SYT3: variants seen among roughly 807,000 people sequenced by gnomAD.
SYT3 encodes the protein synaptotagmin 3, also known as synaptotagmin-3.
In SYT3, 25 loss-of-function variants were observed where a neutral mutation model predicts 50.6. The observed-to-expected ratio is 0.49, with a 90% CI of 0.36 to 0.69. The LOEUF (loss-of-function observed/expected upper bound fraction) is 0.69, where lower values mean the gene tolerates loss of function less well. Among genes scored for constraint, SYT3 ranks in the 30% least tolerant of loss-of-function variants. The probability of loss-of-function intolerance (pLI) is 0.00; values close to 1 mark genes in which losing one functional copy is unlikely to be tolerated. For synonymous variants in SYT3, 323 were observed against 353.9 expected (o/e 0.91, Z 0.98); for missense variants, 589 against 793.6 (o/e 0.74, Z 3.10).
the SYT3 span, among the ~76,000 whole-genome samples, chr19:50,646,066 A>AGATG: frequency 1.3e-5 from 2 of 152,288 alleles, no homozygotes; most frequent in Admixed American, 1.3e-4. Flanking sequence ...GAGCAGAGAG[A>AGATG]GATGCAGAGG....
upstream of SYT3, among the ~76,000 whole-genome samples, chr19:50,642,779 A>G (rs1359966228): frequency 1.3e-5 from 2 of 152,198 alleles, no homozygotes; most frequent in Non-Finnish European, 2.9e-5. Flanking sequence ...GGCTGCAGTG[A>G]GCCAAGATCA....
chr19:50,623,596 G>T (rs1983927531), intron 9 of SYT3, among the ~76,000 whole-genome samples: 1 of 120,692 alleles, frequency 8.3e-6, no homozygotes, highest in Admixed American at 9.4e-5. Context: ...GGACAACATG[G>T]CAAAACCCTG....
the SYT3 span, among the ~76,000 whole-genome samples, chr19:50,650,866 C>T: frequency 3.9e-5 from 6 of 152,170 alleles, no homozygotes; most frequent in Non-Finnish European, 7.3e-5. Flanking sequence ...TTTGGAGACC[C>T]CACAATGCAC....
intron 4 of SYT3, among the ~76,000 whole-genome samples, chr19:50,631,312 G>A (rs973984277): frequency 9.2e-5 from 14 of 151,592 alleles, no homozygotes; most frequent in East Asian, 5.8e-4. Context: ...AACCATGCCC[G>A]GCTATTTTTG....
At chr19:50,652,978 T>G in the SYT3 span, among the ~76,000 whole-genome samples, 91 of 152,328 alleles carry the variant, frequency 6.0e-4, no homozygotes, top group African/African-American at 2.1e-3. Context: ...CATCATGTGT[T>G]AAACAACACT....
chr19:50,629,931 G>A lies in SYT3; in HGVS notation c.915C>T (p.Phe305=), dbSNP rs746131765. 22 of 1,614,072 alleles carry A rather than the reference G, an allele frequency of 1.4e-5. No homozygotes were observed. The highest frequency in any genetic ancestry group is 4.5e-5 in the East Asian group (2 of 44,860). ...GTGAPCGRIS[F]ALRYLYGSDQ... is the part of the protein sequence containing the mutation. ...CCGAGCCATAGAGGTACCGCAGGGC[G>A]AAGCTGATACGGCCACAGGGTGCCC... Residue 305 remains phenylalanine (F), a synonymous_variant, in exon 5 of 11, where the codon TTC becomes TTT. Coordinates refer to ENST00000600079, the MANE Select transcript of SYT3 (RefSeq NM_001160329.2).
At position 50,625,112 on chromosome 19, in the gene SYT3, C is replaced by A; in HGVS notation, c.1707+50G>T. ...GGCGTTCGTTGCATGGATGAAGGGG[C>A]CGAGGGTGCACGGGTGCTTGTCAGG... On this transcript the variant is annotated intron_variant, in intron 9 of 10. Coordinates refer to ENST00000600079, the MANE Select transcript of SYT3 (RefSeq NM_001160329.2). This position sits in a 1 kb window ranked among gnomAD's most constrained non-coding sequence, Gnocchi z 7.5. 6.7e-7 allele frequency: 1 copy of A among 1,490,994 alleles called. No individual in the cohort carries two copies. 92.4% of individuals were successfully genotyped at this position (1,490,994 alleles called of 1,614,324 possible).
chr19:50,646,733 T>C, the SYT3 span, among the ~76,000 whole-genome samples: 1 of 152,114 alleles, frequency 6.6e-6, no homozygotes, highest in Admixed American at 6.6e-5. Flanking sequence ...TGGGGAAAGG[T>C]TGGAAGAGCA....
chr19:50,649,411 C>G, the SYT3 span: 9 of 1,535,736 alleles, frequency 5.9e-6, no homozygotes, highest in Non-Finnish European at 7.9e-6. Context: ...TCTCTTGCCA[C>G]CTTCCTGAGA....
intron 4 of SYT3, among the ~76,000 whole-genome samples, chr19:50,631,938 T>C (rs1157646733): frequency 6.6e-6 from 1 of 152,062 alleles, no homozygotes; most frequent in African/African-American, 2.4e-5. Flanking sequence ...AATCCTGGCT[T>C]AGGGTGAAAG....
chr19:50,624,630 G>A (rs902317875), intron 9 of SYT3, among the ~76,000 whole-genome samples: 1 of 147,232 alleles, frequency 6.8e-6, no homozygotes, highest in Non-Finnish European at 1.5e-5. Flanking sequence ...TCAGCTCACC[G>A]CAACCTCTGC....
At position 50,625,629 on chromosome 19, in the gene SYT3, A is replaced by G. The variant is rs1296407583; in HGVS notation, c.1403-65T>C. On this transcript the variant is annotated intron_variant, in intron 7 of 10. Transcript: ENST00000600079. The surrounding 1 kb of genome is among the most constrained non-coding windows in gnomAD (Gnocchi z 7.5). ...CTCAGACCTAGGGGTCCAGGACCCC[A>G]GGCCCCGAGCCCCTCCTCCCTCAGA... 6.7e-7 allele frequency: 1 copy of G among 1,491,740 alleles called. No homozygotes were observed. Among genetic ancestry groups the G allele is most frequent in the Non-Finnish European group, 8.9e-7 (1 of 1,122,130 alleles). The allele number at this position is 1,491,740 out of a possible 1,614,324, so 92.4% of individuals were successfully genotyped here.
the SYT3 span, among the ~76,000 whole-genome samples, chr19:50,653,183 G>A: frequency 6.6e-6 from 1 of 152,000 alleles, no homozygotes; most frequent in Non-Finnish European, 1.5e-5. Context: ...GACTACAGGT[G>A]CGCGCTACCA....
intron 9 of SYT3, among the ~76,000 whole-genome samples, chr19:50,624,022 G>A (rs1412042195): frequency 6.6e-6 from 1 of 151,252 alleles, no homozygotes; most frequent in African/African-American, 2.4e-5. Flanking sequence ...GAGTGTGGTG[G>A]TGAGATCATA....
At chr19:50,645,031 A>C in the SYT3 span, among the ~76,000 whole-genome samples, 1 of 152,224 alleles carries the variant, frequency 6.6e-6, no homozygotes, top group African/African-American at 2.4e-5. Context: ...ATGCAGATAC[A>C]CTCAGAGGCA....
At chr19:50,638,461 G>C (rs1365890540) in intron 2 of SYT3, among the ~76,000 whole-genome samples, 1 of 151,488 alleles carries the variant, frequency 6.6e-6, no homozygotes, top group Non-Finnish European at 1.5e-5. Context: ...AGTTGAGGGA[G>C]GGAGAGATAC....
chr19:50,656,253 A>T, the SYT3 span: 1 of 1,536,128 alleles, frequency 6.5e-7, no homozygotes, highest in Non-Finnish European at 8.7e-7. Context: ...AGGTCATTGC[A>T]GAGTACGAGG....
the SYT3 span, chr19:50,656,017 C>A: frequency 6.5e-7 from 1 of 1,533,104 alleles, no homozygotes; most frequent in Non-Finnish European, 8.7e-7. Context: ...GAGGAGGGCT[C>A]AGGGCAGCTG....
At position 50,625,922 on chromosome 19, in the gene SYT3, T is replaced by C; in HGVS notation, c.1377A>G (p.Lys459=). Residue 459 remains lysine (K), a synonymous_variant, in exon 7 of 11, where the codon AAA becomes AAG. Coordinates refer to ENST00000600079, the MANE Select transcript of SYT3 (RefSeq NM_001160329.2). The surrounding 1 kb of genome is among the most constrained non-coding windows in gnomAD (Gnocchi z 7.5). ...TVTIIKASNL[K]AMDLTGFSDP... Reference sequence around the variant, plus strand: ...CTGAGAAGCCAGTGAGGTCCATCGCTTTGAGGTTAGAGGCTTTGATGATGG... The same window carrying C: ...CTGAGAAGCCAGTGAGGTCCATCGCCTTGAGGTTAGAGGCTTTGATGATGG... 1 of 1,613,748 alleles carries C rather than the reference T, an allele frequency of 6.2e-7. No homozygotes were observed. Among genetic ancestry groups the C allele is most frequent in the Non-Finnish European group, 8.5e-7 (1 of 1,179,890 alleles).
Sources: allele counts gnomAD v4.1 joint callset (sites outside exome capture counted in the v4.1 genomes callset), GRCh38; gene constraint gnomAD v4.1.1; non-coding constraint Gnocchi (gnomAD v3.1); transcripts MANE v1.5; gene names NCBI Gene and HGNC (gene_info 2026-07-23, HGNC 2026-07-21).